The following ERBB4 variants were observed in gnomAD, a reference collection of about 807,000 sequenced individuals.
ERBB4 encodes the protein erb-b2 receptor tyrosine kinase 4, also known as receptor tyrosine-protein kinase erbB-4.
Under a neutral mutation model 158.0 loss-of-function variants are expected in ERBB4, and 42 were observed. That is an observed-to-expected ratio of 0.27 (90% CI 0.21 to 0.34). The LOEUF is 0.34. Ranked by LOEUF, ERBB4 falls within the 10% of genes least tolerant of loss-of-function variation. ERBB4 has a pLI of 1.00. For synonymous variants in ERBB4, 583 were observed against 558.7 expected (o/e 1.04, Z -0.61); for missense variants, 1,333 against 1,624.1 (o/e 0.82, Z 3.08).
At chr2:212,400,355 T>G (rs2106461119) in intron 1 of ERBB4, among the ~76,000 whole-genome samples, 1 of 152,150 alleles carries the variant, frequency 6.6e-6, no homozygotes. Flanking sequence ...GGGGAGACAT[T>G]TAGTAAGAAT....
At chr2:212,336,286 A>T (rs1228390100) in intron 1 of ERBB4, among the ~76,000 whole-genome samples, 1 of 152,016 alleles carries the variant, frequency 6.6e-6, no homozygotes, top group African/African-American at 2.4e-5. Context: ...TCTTTTCATT[A>T]AGAAGTCATT....
chr2:212,107,595 G>A (rs904434808), intron 2 of ERBB4, among the ~76,000 whole-genome samples: 1 of 152,142 alleles, frequency 6.6e-6, no homozygotes. Flanking sequence ...TGTTGGGAAG[G>A]CATGATTGGT....
At chr2:212,059,856 C>T (rs545610180) in intron 2 of ERBB4, among the ~76,000 whole-genome samples, 1 of 152,162 alleles carries the variant, frequency 6.6e-6, no homozygotes, top group African/African-American at 2.4e-5. Flanking sequence ...AAAACCTAGA[C>T]AATACCACTC....
intron 19 of ERBB4, among the ~76,000 whole-genome samples, chr2:211,613,406 G>A (rs1309036229): frequency 1.4e-5 from 2 of 142,934 alleles, no homozygotes; most frequent in Non-Finnish European, 2.9e-5. Context: ...GAATGTAGCT[G>A]AAGATGGAGA....
rs1231297930 is a variant in ERBB4 at position 211,413,310 on chromosome 2, ACACACACAC to A, written c.3135+7122_3135+7130del. Among the ~76,000 whole-genome samples, 6 of 95,872 alleles carry A rather than the reference ACACACACAC, an allele frequency of 6.3e-5. 1 individual carries two copies. Among genetic ancestry groups the A allele is most frequent in the South Asian group, 3.0e-4 (1 of 3,384 alleles). The allele number at this position is 95,872 out of a possible 152,430, so 62.9% of individuals were successfully genotyped here. A position where few individuals can be genotyped will look rare whatever the true frequency, so the allele number is the denominator to read the frequency against. On this transcript the variant is annotated intron_variant, in intron 25 of 27. Transcript: ENST00000342788. Reference sequence around the variant, plus strand: ...GACAGAGAGAGACCCTGTCTTAAAAACACACACACACACACACACACACACACACACACA... The same window carrying A: ...GACAGAGAGAGACCCTGTCTTAAAAAACACACACACACACACACACACACA...
At chr2:211,821,894 T>C (rs1158553523) in intron 3 of ERBB4, among the ~76,000 whole-genome samples, 2 of 151,974 alleles carry the variant, frequency 1.3e-5, no homozygotes, top group African/African-American at 4.8e-5. Context: ...CCAGAAAGTA[T>C]ACAACTACTA....
At chr2:212,080,976 T>C (rs1366150980) in intron 2 of ERBB4, among the ~76,000 whole-genome samples, 1 of 152,170 alleles carries the variant, frequency 6.6e-6, no homozygotes, top group African/African-American at 2.4e-5. Flanking sequence ...ACATTCTTCA[T>C]AGAGAGCACG....
chr2:212,253,039 G>T (rs2084598474), intron 1 of ERBB4, among the ~76,000 whole-genome samples: 1 of 152,090 alleles, frequency 6.6e-6, no homozygotes, highest in Non-Finnish European at 1.5e-5. Context: ...TTTACATTGA[G>T]AAAAGTCGTC....
chr2:211,634,696 A>T (rs2125882362), intron 16 of ERBB4, among the ~76,000 whole-genome samples: 1 of 152,104 alleles, frequency 6.6e-6, no homozygotes, highest in South Asian at 2.1e-4. Flanking sequence ...TATTTTTTAG[A>T]TGGAGTCTTG....
chr2:211,566,407 C>T (rs964562029), intron 19 of ERBB4, among the ~76,000 whole-genome samples: 4 of 152,128 alleles, frequency 2.6e-5, no homozygotes, highest in African/African-American at 9.7e-5. Context: ...GCGGAGACTG[C>T]TTGGGGGGCC....
intron 2 of ERBB4, among the ~76,000 whole-genome samples, chr2:211,958,987 T>C (rs2081101549): frequency 1.3e-5 from 2 of 152,008 alleles, no homozygotes; most frequent in Non-Finnish European, 2.9e-5. Flanking sequence ...TCAAATGAGA[T>C]TCTGTTCATA....
At chr2:212,489,943 T>G (rs967617899) in intron 1 of ERBB4, among the ~76,000 whole-genome samples, 1 of 151,830 alleles carries the variant, frequency 6.6e-6, no homozygotes, top group African/African-American at 2.4e-5. Context: ...TGTCTTTTAC[T>G]ACTTCCTTCA....
At chr2:211,416,813 CTT>C (rs60021795) in intron 25 of ERBB4, among the ~76,000 whole-genome samples, 4,290 of 141,942 alleles carry the variant, frequency 0.03, 164 homozygotes, top group African/African-American at 0.099. Context: ...GAAGCCTTCC[CTT>C]TTTTTTTTTT....
intron 1 of ERBB4, among the ~76,000 whole-genome samples, chr2:212,187,673 A>T (rs1166091690): frequency 6.6e-6 from 1 of 152,140 alleles, no homozygotes; most frequent in Non-Finnish European, 1.5e-5. Context: ...AATTAATGGC[A>T]TGCAACTCCA....
At chr2:211,542,004 C>G (rs1016904997) in intron 20 of ERBB4, among the ~76,000 whole-genome samples, 2 of 150,834 alleles carry the variant, frequency 1.3e-5, no homozygotes, top group Admixed American at 1.3e-4. Context: ...GTAGGGTCCA[C>G]ATTTTTTTTA....
intron 2 of ERBB4, among the ~76,000 whole-genome samples, chr2:211,961,514 G>C (rs1279093624): frequency 1.3e-5 from 2 of 152,146 alleles, no homozygotes; most frequent in Non-Finnish European, 2.9e-5. Flanking sequence ...ATTGAGTCTT[G>C]TGTCTTCTTC....
At chr2:211,770,333 A>C (rs765227364) in intron 4 of ERBB4, among the ~76,000 whole-genome samples, 1 of 152,214 alleles carries the variant, frequency 6.6e-6, no homozygotes, top group Non-Finnish European at 1.5e-5. Flanking sequence ...TTTGTTTAGA[A>C]AAAGGTAACA....
At chr2:211,959,337 C>T (rs150696672) in intron 2 of ERBB4, among the ~76,000 whole-genome samples, 1 of 152,152 alleles carries the variant, frequency 6.6e-6, no homozygotes, top group African/African-American at 2.4e-5. Context: ...GATGGCTTGC[C>T]AAGAAAGATT....
chr2:212,450,380 C>A (rs925306116), intron 1 of ERBB4, among the ~76,000 whole-genome samples: 16 of 152,076 alleles, frequency 1.1e-4, no homozygotes, highest in African/African-American at 3.9e-4. Flanking sequence ...CCAGTATAAT[C>A]CTTTTCTGGG....
Sources: allele counts gnomAD v4.1 joint callset (sites outside exome capture counted in the v4.1 genomes callset), GRCh38; gene constraint gnomAD v4.1.1; transcripts MANE v1.5; gene names NCBI Gene and HGNC (gene_info 2026-07-23, HGNC 2026-07-21).